Variants in FERMT2 observed in about 807,000 individuals in gnomAD.
FERMT2 encodes the protein fermitin family homolog 2.
In FERMT2, 15 loss-of-function variants were observed where a neutral mutation model predicts 82.7. The ratio of observed to expected loss-of-function variants is 0.18; its 90% CI spans 0.12 to 0.28. The LOEUF is 0.28. Among genes scored for constraint, FERMT2 ranks in the 10% least tolerant of loss-of-function variants. The pLI is 1.00. For missense variants in FERMT2, 645 were observed against 809.4 expected (o/e 0.80, Z 2.46); for synonymous variants, 274 against 271.5 (o/e 1.01, Z -0.09).
At chr14:52,927,672 G>C (rs558216764) in intron 2 of FERMT2, among the ~76,000 whole-genome samples, 1 of 150,420 alleles carries the variant, frequency 6.6e-6, no homozygotes, top group Non-Finnish European at 1.5e-5. Context: ...TGGAGGCTGA[G>C]GTGGGAGGAC....
At chr14:52,948,631 C>G in intron 2 of FERMT2, 1 of 449,920 alleles carries the variant, frequency 2.2e-6, no homozygotes, top group South Asian at 1.6e-5. Flanking sequence ...AGATTATAGT[C>G]ATTTAAATTA....
At chr14:52,891,108 A>G (rs563313652) in intron 4 of FERMT2, among the ~76,000 whole-genome samples, 1 of 152,210 alleles carries the variant, frequency 6.6e-6, no homozygotes, top group Non-Finnish European at 1.5e-5. Context: ...CTGTTGTTAA[A>G]TATGTTCCAA....
At chr14:52,880,885 A>G (rs1340147250) in intron 6 of FERMT2, 151 bp downstream of exon 6, 3 of 547,422 alleles carry the variant, frequency 5.5e-6, no homozygotes, top group Non-Finnish European at 9.5e-6. Flanking sequence ...AAATACAAAT[A>G]CCTTTGCCTA....
chr14:52,906,443 T>A (rs1888016400), intron 3 of FERMT2, among the ~76,000 whole-genome samples: 1 of 148,226 alleles, frequency 6.7e-6, no homozygotes, highest in African/African-American at 2.5e-5. Flanking sequence ...AGAATCCAAC[T>A]AATTCCAAGT....
intron 12 of FERMT2, 59 bp downstream of exon 12, chr14:52,864,342 T>C (rs1250243433): frequency 1.5e-6 from 2 of 1,293,982 alleles, no homozygotes; most frequent in Non-Finnish European, 1.1e-6. Context: ...AAAACAAAGT[T>C]ATGTACAAAA....
intron 9 of FERMT2, among the ~76,000 whole-genome samples, chr14:52,873,315 T>A (rs1355230573): frequency 1.3e-5 from 2 of 152,210 alleles, no homozygotes; most frequent in African/African-American, 4.8e-5. Flanking sequence ...GTCTGCAGGA[T>A]TGCCTTGGAG....
intron 3 of FERMT2, among the ~76,000 whole-genome samples, chr14:52,911,569 T>C (rs2147975): frequency 0.54 from 81,868 of 151,272 alleles, 23,013 homozygotes; most frequent in East Asian, 0.74. Context: ...GAGAATGGCG[T>C]GAACCCGGGA....
chr14:52,944,933 T>C (rs2139708328), intron 2 of FERMT2, among the ~76,000 whole-genome samples: 1 of 152,144 alleles, frequency 6.6e-6, no homozygotes, highest in South Asian at 2.1e-4. Context: ...AGAGTCTTGC[T>C]CTGTTGCCCA....
In FERMT2 at chr14:52,857,977, T is replaced by TATC. The variant is rs770618126; in HGVS notation, c.*397_*399dup. 2 of 156,576 alleles carry TATC rather than the reference T, an allele frequency of 1.3e-5. No individual in the cohort carries two copies. Among genetic ancestry groups the TATC allele is most frequent in the Non-Finnish European group, 2.8e-5 (2 of 70,608 alleles). The allele number at this position is 156,576 out of a possible 1,614,324, so 9.7% of individuals were successfully genotyped here. A position where few individuals can be genotyped will look rare whatever the true frequency, so the allele number is the denominator to read the frequency against. On this transcript the variant is annotated 3_prime_UTR_variant, in exon 15 of 15. Transcript: ENST00000341590. ...AGAAGTAGGATATTTTAAAACATGA[T>TATC]ATCAAATTAAACATACATTAAATCA...
At position 52,872,700 on chromosome 14, in the gene FERMT2, A is replaced by AT. The variant is rs1429694073; in HGVS notation, c.1273+98dup. The AT allele has an allele frequency of 4.9e-5, 64 of 1,310,590 alleles. No individual in the cohort carries two copies. The Middle Eastern group carries it at 1.4e-3, about 29-fold the overall frequency. 81.2% of individuals were successfully genotyped at this position (1,310,590 alleles called of 1,614,324 possible). On this transcript the variant is annotated intron_variant, in intron 10 of 14. Coordinates refer to ENST00000341590, the MANE Select transcript of FERMT2 (RefSeq NM_006832.3). ...AGTACCCAAAGGAGTAAAGAAATTG[A>AT]TTTTTTTAAAAAACTTGTTTATCCC...
rs758136365 is a variant in FERMT2 at position 52,919,309 on chromosome 14, T to C, written c.205A>G (p.Arg69Gly). 20 of 1,613,896 alleles carry C rather than the reference T, an allele frequency of 1.2e-5. 1 individual carries two copies. The South Asian group carries it at 2.1e-4, about 17-fold the overall frequency. Reference protein sequence around the residue: ...SDHALWWEKKRTWLLKTHWTL... With the variant: ...SDHALWWEKKGTWLLKTHWTL... ...CAATGTGTCTTCAGAAGCCAAGTTC[T>C]CTTCTTTTCCCACCAGAGAGCATGG... is the stretch of plus-strand genomic sequence containing the variant. The change falls in exon 3 of 15, where the codon AGA becomes GGA. Residue 69 changes from arginine to glycine, a missense_variant. Physicochemically the swap from Arg to Gly is moderately radical, Grantham distance 125 (BLOSUM62 -2). Transcript: ENST00000341590.
intron 13 of FERMT2, 107 bp downstream of exon 13, chr14:52,860,234 A>T: frequency 1.2e-6 from 1 of 816,850 alleles, no homozygotes; most frequent in Non-Finnish European, 1.9e-6. Flanking sequence ...AATATGAGTT[A>T]ATGGGTCTAC....
intron 2 of FERMT2, among the ~76,000 whole-genome samples, chr14:52,949,378 TAAAAAAAAAAAG>T (rs1360175697): frequency 1.7e-5 from 2 of 118,250 alleles, no homozygotes; most frequent in Non-Finnish European, 3.6e-5. Context: ...ATGCTGTGTT[TAAAAAAAAAAAG>T]AAAAAAAAAA....
At chr14:52,859,176 G>A (rs1884748204) in intron 14 of FERMT2, 1 of 161,524 alleles carries the variant, frequency 6.2e-6, no homozygotes, top group Non-Finnish European at 1.3e-5. Flanking sequence ...TGGCCCTCAG[G>A]TCTCTCTATT....
intron 2 of FERMT2, among the ~76,000 whole-genome samples, chr14:52,942,593 C>T (rs139325239): frequency 0.022 from 3,371 of 152,108 alleles, 118 homozygotes; most frequent in African/African-American, 0.076. Context: ...TGAGCCACCC[C>T]GCCCGCCCCA....
intron 2 of FERMT2, chr14:52,928,307 T>C (rs1359123145): frequency 5.2e-6 from 1 of 191,862 alleles, no homozygotes; most frequent in East Asian, 1.1e-4. Context: ...ATATATACTT[T>C]TGTACTCTGC....
intron 10 of FERMT2, among the ~76,000 whole-genome samples, chr14:52,869,215 G>A (rs1235619610): frequency 1.3e-5 from 2 of 152,310 alleles, no homozygotes; most frequent in South Asian, 2.1e-4. Context: ...CCGTGACTGA[G>A]AGAGGAAGGT....
intron 6 of FERMT2, among the ~76,000 whole-genome samples, chr14:52,880,157 C>T (rs1236896517): frequency 2.0e-5 from 3 of 152,034 alleles, no homozygotes; most frequent in African/African-American, 7.2e-5. Flanking sequence ...ACTTGGGAGG[C>T]GACGTGGGAG....
chr14:52,872,897 T>C lies in FERMT2; in HGVS notation c.1175A>G (p.Tyr392Cys), dbSNP rs766025781. ...FKPKKLTLKG[Y>C]KQYWCTFKDT... is the part of the protein sequence containing the mutation. ...TTTGAAGGTGCACCAATATTGTTTG[T>C]AACCTTTCAGAGTCAGCTTTTTTGG... Residue 392 changes from tyrosine (Y) to cysteine (C), a missense_variant, in exon 10 of 15, where the codon TAC becomes TGC. Tyr to Cys is a radical substitution (Grantham distance 194, BLOSUM62 -2). Coordinates refer to ENST00000341590, the MANE Select transcript of FERMT2 (RefSeq NM_006832.3). The C allele has an allele frequency of 5.0e-6, 8 of 1,613,980 alleles. No homozygotes were observed. The South Asian group carries it at 8.8e-5, about 18-fold the overall frequency.
Sources: allele counts gnomAD v4.1 joint callset (sites outside exome capture counted in the v4.1 genomes callset), GRCh38; gene constraint gnomAD v4.1.1; transcripts MANE v1.5; gene names NCBI Gene and HGNC (gene_info 2026-07-23, HGNC 2026-07-21).